The following CYP4F8 variants were observed in gnomAD, a reference collection of about 807,000 sequenced individuals.
CYP4F8 encodes cytochrome P450 4F8.
Under a neutral mutation model 55.0 loss-of-function variants are expected in CYP4F8, and 56 were observed. The observed-to-expected ratio is 1.02, with a 90% CI of 0.82 to 1.27. The LOEUF is 1.27. Among genes scored for constraint, CYP4F8 ranks in the 50% most tolerant of loss-of-function variants. CYP4F8 has a pLI of 0.00. For synonymous variants in CYP4F8, 288 were observed against 267.3 expected, an observed-to-expected ratio of 1.08 and a Z score of -0.76; for missense variants, 680 against 682.4, an observed-to-expected ratio of 1.00 and a Z score of 0.04.
rs532662315 is a variant in CYP4F8, at chr19:15,628,348, A to G, written c.1162A>G (p.Ser388Gly). The change falls in exon 10 of 13, where the codon AGC (serine) becomes GGC (glycine). Residue 388 changes from serine to glycine, a missense_variant. Transcript: ENST00000612078. ...CTTCCTGACCATGTGCCTGAAGGAG[A>G]GCCTGCGGTTGCATCCCCCAATCCC... ...LPFLTMCLKE[S>G]LRLHPPIPTF... 376 of 1,613,806 alleles carry G rather than the reference A, an allele frequency of 2.3e-4. 6 individuals are homozygous for G. The South Asian group carries it at 4.1e-3, about 18-fold the overall frequency.
intron 5 of CYP4F8, among the ~76,000 whole-genome samples, chr19:15,620,036 C>T (rs990361018): frequency 2.0e-5 from 3 of 152,180 alleles, no homozygotes; most frequent in African/African-American, 7.2e-5. Flanking sequence ...AATGATGACA[C>T]GTGCATAGTA....
chr19:15,615,711 C>T lies in CYP4F8; in HGVS notation c.95C>T (p.Ala32Val), dbSNP rs1482386649. The T allele has an allele frequency of 1.9e-6, 3 of 1,613,972 alleles. No individual in the cohort carries two copies. Among genetic ancestry groups the T allele is most frequent in the African/African-American group, 1.3e-5 (1 of 74,912 alleles). ...LLVVGASWLL[A>V]RILAWTYAFY... Reference sequence around the variant, plus strand: ...GTGGTCGGGGCCTCCTGGCTCCTGGCCCGCATCCTGGCCTGGACCTATGCC... The same window carrying T: ...GTGGTCGGGGCCTCCTGGCTCCTGGTCCGCATCCTGGCCTGGACCTATGCC... The change falls in exon 2 of 13, where the codon GCC (alanine) becomes GTC (valine). Residue 32 changes from alanine to valine, a missense_variant. Ala to Val is a moderately conservative substitution (Grantham distance 64). Coordinates refer to ENST00000612078, the MANE Select transcript of CYP4F8 (RefSeq NM_007253.4).
intron 5 of CYP4F8, 135 bp downstream of exon 5, chr19:15,619,897 G>A: frequency 2.6e-6 from 3 of 1,175,640 alleles, no homozygotes; most frequent in South Asian, 1.6e-5. Context: ...ATTTCCCCAT[G>A]AGGCTAATAA....
In CYP4F8 at chr19:15,619,503, C is replaced by T; in HGVS notation, c.357C>T (p.Asp119=). ...CATTCATGTCAGATGCCATTACAGA[C>T]AAGGACATAGTCTTCTACAAGACCC... is the stretch of plus-strand genomic sequence containing the variant. ...SVINTSDAIT[D]KDIVFYKTLK... Residue 119 remains aspartate (D), a synonymous_variant, in exon 4 of 13, where the codon GAC becomes GAT. Coordinates refer to ENST00000612078, the MANE Select transcript of CYP4F8 (RefSeq NM_007253.4). The T allele has an allele frequency of 6.2e-7, 1 of 1,614,182 alleles. No individual in the cohort carries two copies. Among genetic ancestry groups the T allele is most frequent in the Non-Finnish European group, 8.5e-7 (1 of 1,180,012 alleles).
At chr19:15,623,584 G>A (rs1432425352) in intron 7 of CYP4F8, 115 bp from the exon 8 acceptor site, 8 of 1,311,840 alleles carry the variant, frequency 6.1e-6, no homozygotes, top group South Asian at 5.6e-5. Flanking sequence ...GCATGTGGGG[G>A]TAGATCTGGA....
chr19:15,618,674 C>A (rs1352544538), intron 3 of CYP4F8: 1 of 259,234 alleles, frequency 3.9e-6, no homozygotes, highest in Non-Finnish European at 7.5e-6. Flanking sequence ...TGGCCTTGTC[C>A]TTCTGCAGGC....
In CYP4F8 at chr19:15,628,382, C is replaced by T; in HGVS notation, c.1196C>T (p.Ala399Val). 6.2e-7 allele frequency: 1 copy of T among 1,614,124 alleles called. No homozygotes were observed. The highest frequency in any genetic ancestry group is 8.5e-7 in the Non-Finnish European group (1 of 1,180,038). Residue 399 changes from alanine (A) to valine (V), a missense_variant, in exon 10 of 13, where the codon GCC becomes GTC. Physicochemically the swap from Ala to Val is moderately conservative, Grantham distance 64. Coordinates refer to ENST00000612078, the MANE Select transcript of CYP4F8 (RefSeq NM_007253.4). ...TTGCATCCCCCAATCCCTACATTCG[C>T]CCGCGGCTGCACCCAGGACGTGGTG... Reference protein sequence around the residue: ...LRLHPPIPTFARGCTQDVVLP... With the variant: ...LRLHPPIPTFVRGCTQDVVLP...
At position 15,629,288 on chromosome 19, in the gene CYP4F8, C is replaced by T. The variant is rs1972305018; in HGVS notation, c.1493C>T (p.Pro498Leu). 1.2e-6 allele frequency: 2 copies of T among 1,613,242 alleles called. No homozygotes were observed. The highest frequency in any genetic ancestry group is 2.2e-5 in the East Asian group (1 of 44,874). The part of the protein sequence containing the change: ...RFRILPDHRE[P>L]RRTPEIVLRA... The stretch of plus-strand genomic sequence containing the variant: ...CGCATCCTGCCCGACCACAGGGAGC[C>T]ACGCAGGACGCCGGAGATTGTTTTG... Residue 498 changes from proline (P) to leucine (L), a missense_variant, in exon 13 of 13, where the codon CCA (proline) becomes CTA (leucine). Transcript: ENST00000612078.
chr19:15,615,586 A>G (rs1972104032), intron 1 of CYP4F8, 30 bp from the exon 2 acceptor site: 1 of 1,609,274 alleles, frequency 6.2e-7, no homozygotes, highest in Non-Finnish European at 8.5e-7. Flanking sequence ...AGGCCTCAGG[A>G]CCTCACCCTC....
intron 3 of CYP4F8, 83 bp from the exon 4 acceptor site, chr19:15,619,407 C>A: frequency 6.5e-7 from 1 of 1,544,206 alleles, no homozygotes; most frequent in Non-Finnish European, 8.8e-7. Context: ...GACGTCCAAA[C>A]CTCTGGCTGG....
At chr19:15,624,944 T>C (rs993883564) in intron 9 of CYP4F8, among the ~76,000 whole-genome samples, 1 of 152,090 alleles carries the variant, frequency 6.6e-6, no homozygotes, top group African/African-American at 2.4e-5. Flanking sequence ...ATTAAGAAAA[T>C]TATTTCTTTT....
At chr19:15,619,828 C>G in intron 5 of CYP4F8, 66 bp downstream of exon 5, 1 of 1,575,956 alleles carries the variant, frequency 6.3e-7, no homozygotes, top group South Asian at 1.2e-5. Flanking sequence ...ACAATTGGGT[C>G]TGGAATGTTG....
rs1568385727 is a variant in CYP4F8 at position 15,628,786 on chromosome 19, C to T, written c.1340C>T (p.Pro447Leu). Residue 447 changes from proline to leucine, a missense_variant, in exon 12 of 13, where the codon CCA becomes CTA. Pro to Leu is a moderately conservative substitution (Grantham distance 98). Transcript: ENST00000612078. The stretch of plus-strand genomic sequence containing the variant: ...GTCTATGACCCCTTCCGCTTCGACC[C>T]AGAAAACGCCCAGAAGAGGTCACCT... Reference protein sequence around the residue: ...PEVYDPFRFDPENAQKRSPMA... With the variant: ...PEVYDPFRFDLENAQKRSPMA... 1 of 1,612,212 alleles carries T rather than the reference C, an allele frequency of 6.2e-7. No individual in the cohort carries two copies. The highest frequency in any genetic ancestry group is 1.7e-5 in the Admixed American group (1 of 59,486).
intron 5 of CYP4F8, among the ~76,000 whole-genome samples, chr19:15,620,909 TAATA>T (rs1312993794): frequency 6.6e-6 from 1 of 152,176 alleles, no homozygotes; most frequent in African/African-American, 2.4e-5. Context: ...TCCTGTGAGC[TAATA>T]AATTAGCTTG....
intron 3 of CYP4F8, chr19:15,618,494 A>T: frequency 2.5e-6 from 1 of 392,764 alleles, no homozygotes; most frequent in South Asian, 2.0e-5. Context: ...ATAGGCTGTG[A>T]CAGAGCATAG....
At position 15,619,674 on chromosome 19, in the gene CYP4F8, A is replaced by G. The variant is rs781259745; in HGVS notation, c.437A>G (p.His146Arg). The G allele has an allele frequency of 1.9e-6, 3 of 1,614,188 alleles. No homozygotes were observed. Among genetic ancestry groups the G allele is most frequent in the African/African-American group, 1.3e-5 (1 of 75,052 alleles). Residue 146 changes from histidine (H) to arginine (R), a missense_variant, in exon 5 of 13, where the codon CAC (histidine) becomes CGC (arginine). Coordinates refer to ENST00000612078, the MANE Select transcript of CYP4F8 (RefSeq NM_007253.4). ...TTAAGTGTTGGTGACAAGTGGAGAC[A>G]CCACCGTCGCTTGCTGACGCCTGCC... ...LLLSVGDKWR[H>R]HRRLLTPAFH...
intron 11 of CYP4F8, 53 bp from the exon 12 acceptor site, chr19:15,628,708 G>T (rs1265635204): frequency 2.5e-6 from 4 of 1,609,694 alleles, no homozygotes; most frequent in Non-Finnish European, 3.4e-6. Context: ...ATGTGGGGGT[G>T]GCTGGGTGTC....
chr19:15,623,307 G>A lies in CYP4F8; in HGVS notation c.850G>A (p.Asp284Asn). The A allele has an allele frequency of 6.2e-7, 1 of 1,614,066 alleles. No homozygotes were observed. The highest frequency in any genetic ancestry group is 8.5e-7 in the Non-Finnish European group (1 of 1,180,026). ...CCGCACCCTCACTAGCCAGGGTGTT[G>A]ATGACTTCCTCCAAGCCAAGGCCAA... ...RRRTLTSQGV[D>N]DFLQAKAKSK... is the part of the protein sequence containing the mutation. The change falls in exon 7 of 13, where the codon GAT becomes AAT. Residue 284 changes from aspartate to asparagine, a missense_variant. Coordinates refer to ENST00000612078, the MANE Select transcript of CYP4F8 (RefSeq NM_007253.4).
chr19:15,616,463 C>T (rs1396832379), intron 2 of CYP4F8, among the ~76,000 whole-genome samples: 3 of 152,124 alleles, frequency 2.0e-5, no homozygotes, highest in South Asian at 2.1e-4. Flanking sequence ...GTGGGGGTTA[C>T]GCAGCAGGTA....
Sources: gnomAD v4.1 joint callset for allele counts (sites outside exome capture counted in the v4.1 genomes callset) on GRCh38, gnomAD v4.1.1 for gene constraint, MANE v1.5 for transcripts, NCBI Gene and HGNC (gene_info 2026-07-23, HGNC 2026-07-21) for gene names.